The following SYNE1 variants were observed in gnomAD, a reference collection of about 807,000 sequenced individuals.
The protein encoded by SYNE1 is spectrin repeat containing nuclear envelope protein 1.
Under a neutral mutation model 1,111.0 loss-of-function variants are expected in SYNE1, and 616 were observed. The ratio of observed to expected loss-of-function variants is 0.55; its 90% CI spans 0.52 to 0.59. The LOEUF (loss-of-function observed/expected upper bound fraction) is 0.59. Among genes scored for constraint, SYNE1 ranks in the 20% least tolerant of loss-of-function variants. SYNE1 has a pLI of 0.00. For missense variants in SYNE1, 10,006 were observed against 10,417.0 expected (o/e 0.96, Z 1.72); for synonymous variants, 3,855 against 3,825.8 (o/e 1.01, Z -0.28).
At chr6:152,396,369 C>T (rs1471450025) in intron 50 of SYNE1, among the ~76,000 whole-genome samples, 2 of 152,056 alleles carry the variant, frequency 1.3e-5, no homozygotes, top group South Asian at 2.1e-4. Flanking sequence ...GTATATTCAC[C>T]ATATATTACT....
intron 15 of SYNE1, 52 bp from the exon 16 acceptor site, chr6:152,471,817 T>A (rs1302256573): frequency 6.5e-7 from 1 of 1,548,902 alleles, no homozygotes; most frequent in Non-Finnish European, 8.9e-7. Context: ...GTAACAGAAC[T>A]GATGCTTACT....
At chr6:152,458,595 G>A (rs1273231033) in intron 22 of SYNE1, among the ~76,000 whole-genome samples, 162 bp downstream of exon 22, 1 of 152,172 alleles carries the variant, frequency 6.6e-6, no homozygotes, top group East Asian at 1.9e-4. Flanking sequence ...ACAGTGAATG[G>A]ATTTTCATCT....
intron 46 of SYNE1, among the ~76,000 whole-genome samples, chr6:152,403,253 G>A (rs539465820): frequency 1.4e-3 from 209 of 152,294 alleles, no homozygotes; most frequent in African/African-American, 4.8e-3. Context: ...CTTGGGCACT[G>A]AAGTAGCCCA....
Position 152,407,199 on chromosome 6 carries a change from A to G in SYNE1, c.6541-3T>C. The G allele has an allele frequency of 6.2e-7, 1 of 1,613,710 alleles. No homozygotes were observed. Among genetic ancestry groups the G allele is most frequent in the Non-Finnish European group, 8.5e-7 (1 of 1,179,828 alleles). On this transcript the variant is annotated splice_polypyrimidine_tract_variant and splice_region_variant and intron_variant, in intron 44 of 145. Transcript: ENST00000367255. Reference sequence around the variant, plus strand: ...TTTTCTTCAAGTTTCTCTGATACCTAGGAGAGAAACAGAAGCCATGGCATT... The same window carrying G: ...TTTTCTTCAAGTTTCTCTGATACCTGGGAGAGAAACAGAAGCCATGGCATT...
At chr6:152,526,475 T>C (rs1463015656) in intron 4 of SYNE1, among the ~76,000 whole-genome samples, 1 of 152,000 alleles carries the variant, frequency 6.6e-6, no homozygotes, top group East Asian at 1.9e-4. Flanking sequence ...TGGTGTGGGA[T>C]AAGGGAAGGA....
intron 135 of SYNE1, among the ~76,000 whole-genome samples, chr6:152,150,828 C>T (rs987879106): frequency 3.9e-5 from 6 of 152,026 alleles, no homozygotes; most frequent in East Asian, 1.9e-4. Flanking sequence ...AATGAAATCC[C>T]GACATAGGAA....
chr6:152,561,144 T>G (rs1001882071), intron 3 of SYNE1, among the ~76,000 whole-genome samples: 1 of 152,134 alleles, frequency 6.6e-6, no homozygotes, highest in Non-Finnish European at 1.5e-5. Context: ...TGTTTGCAGA[T>G]GACATTATCT....
rs761876455 is a variant in SYNE1 at position 152,278,321 on chromosome 6, C to T, written c.18382-41G>A. On this transcript the variant is annotated intron_variant, in intron 97 of 145. Transcript: ENST00000367255. ...TAAGAATGAAACTCACACATCTCCC[C>T]AGCCTCTGCAAAGACTGTTTCCCAC... 1.2e-5 allele frequency: 19 copies of T among 1,606,696 alleles called. No homozygotes were observed. The East Asian group carries it at 4.2e-4, about 36-fold the overall frequency.
At chr6:152,204,876 C>T (rs1429086345) in intron 126 of SYNE1, among the ~76,000 whole-genome samples, 1 of 152,094 alleles carries the variant, frequency 6.6e-6, no homozygotes, top group Non-Finnish European at 1.5e-5. Flanking sequence ...GAAACATCTC[C>T]AAAAATCACA....
chr6:152,385,276 T>C (rs1417837392), intron 55 of SYNE1, among the ~76,000 whole-genome samples: 13 of 152,226 alleles, frequency 8.5e-5, no homozygotes. Flanking sequence ...TTGTTGGATG[T>C]CGTCTAGAAA....
chr6:152,388,053 T>C (rs2097549984), intron 53 of SYNE1, among the ~76,000 whole-genome samples: 1 of 152,138 alleles, frequency 6.6e-6, no homozygotes, highest in Non-Finnish European at 1.5e-5. Flanking sequence ...TATTCTAAAC[T>C]CATCTGCAGT....
chr6:152,155,177 G>T, intron 132 of SYNE1, 135 bp from the exon 133 acceptor site: 1 of 1,049,276 alleles, frequency 9.5e-7, no homozygotes, highest in Non-Finnish European at 1.4e-6. Context: ...CATTCCTCGA[G>T]CCAAATTTGA....
intron 97 of SYNE1, among the ~76,000 whole-genome samples, chr6:152,281,330 C>G (rs924275465): frequency 6.6e-6 from 1 of 152,212 alleles, no homozygotes; most frequent in East Asian, 1.9e-4. Context: ...AACACATTCT[C>G]TGCTCCAAAA....
At chr6:152,214,059 G>C (rs1447980967) in intron 122 of SYNE1, among the ~76,000 whole-genome samples, 1 of 151,868 alleles carries the variant, frequency 6.6e-6, no homozygotes, top group East Asian at 1.9e-4. Context: ...AAATTAGCCG[G>C]GTGTGGTGGT....
At position 152,540,025 on chromosome 6, in the gene SYNE1, G is replaced by C. The variant is rs1186382872; in HGVS notation, c.68-4C>G. 3.1e-6 allele frequency: 5 copies of C among 1,613,356 alleles called. No individual in the cohort carries two copies. Among genetic ancestry groups the C allele is most frequent in the African/African-American group, 1.3e-5 (1 of 74,996 alleles). The stretch of plus-strand genomic sequence containing the variant: ...TTTTGTACTATCTCTTGCTCATCTA[G>C]AAGGAAAAAGAAATCTGGTTAAATA... On this transcript the variant is annotated splice_region_variant and splice_polypyrimidine_tract_variant and intron_variant, in intron 3 of 145. Coordinates refer to ENST00000367255, the MANE Select transcript of SYNE1 (RefSeq NM_182961.4).
At chr6:152,524,451 T>C (rs2099154235) in intron 5 of SYNE1, among the ~76,000 whole-genome samples, 1 of 152,062 alleles carries the variant, frequency 6.6e-6, no homozygotes, top group Admixed American at 6.6e-5. Flanking sequence ...TTCAAGAAAA[T>C]AGCTTAATTC....
Position 152,526,211 on chromosome 6 carries a change from C to A in SYNE1, c.130-36G>T, listed in dbSNP as rs768167241. On this transcript the variant is annotated intron_variant, in intron 4 of 145. Coordinates refer to ENST00000367255, the MANE Select transcript of SYNE1 (RefSeq NM_182961.4). ...AAAGAGGAATAAGTGCAGAAAATATCTCTTCCCTCTCTGTTTCTCTCTTTC... is the reference window on the plus strand; with the variant it reads ...AAAGAGGAATAAGTGCAGAAAATATATCTTCCCTCTCTGTTTCTCTCTTTC... The A allele has an allele frequency of 7.6e-6, 12 of 1,582,746 alleles. No individual in the cohort carries two copies. The South Asian group carries it at 8.9e-5, about 12-fold the overall frequency.
intron 101 of SYNE1, among the ~76,000 whole-genome samples, chr6:152,258,467 T>C (rs2091352796): frequency 6.6e-6 from 1 of 152,224 alleles, no homozygotes; most frequent in African/African-American, 2.4e-5. Flanking sequence ...GTAATTTTTC[T>C]TAAAATTGAC....
intron 95 of SYNE1, 28 bp from the exon 96 acceptor site, chr6:152,284,200 C>T: frequency 6.2e-7 from 1 of 1,611,606 alleles, no homozygotes; most frequent in Non-Finnish European, 8.5e-7. Flanking sequence ...GAATCACACT[C>T]ATGTATTCAT....
Sources: gnomAD v4.1 joint callset for allele counts (sites outside exome capture counted in the v4.1 genomes callset) on GRCh38, gnomAD v4.1.1 for gene constraint, MANE v1.5 for transcripts, NCBI Gene and HGNC (gene_info 2026-07-23, HGNC 2026-07-21) for gene names.